C1orf159: variants seen among roughly 807,000 people sequenced by gnomAD.
The protein encoded by C1orf159 is chromosome 1 open reading frame 159, also known as uncharacterized protein C1orf159.
A neutral mutation model predicts 25.6 loss-of-function variants in C1orf159; 19 were observed. The ratio of observed to expected loss-of-function variants is 0.74; its 90% confidence interval spans 0.52 to 1.09. The LOEUF (loss-of-function observed/expected upper bound fraction) is 1.09, where lower values mean the gene tolerates loss of function less well. Ranked by LOEUF, C1orf159 falls within the 50% of genes least tolerant of loss-of-function variation. The pLI is 0.00. For synonymous variants in C1orf159, 139 were observed against 124.7 expected (o/e 1.12, Z -0.77); for missense variants, 274 against 290.6 (o/e 0.94, Z 0.42).
intron 1 of C1orf159, 166 bp from the exon 2 acceptor site, chr1:1,092,269 T>A: frequency 4.3e-6 from 1 of 231,384 alleles, no homozygotes; most frequent in Non-Finnish European, 8.9e-6. Flanking sequence ...CACGAGTGTT[T>A]CCCCCGAGCT....
Position 1,087,615 on chromosome 1 carries a change from C to T in C1orf159, c.149-18G>A, listed in dbSNP as rs1218057847. ...GTAACAGCCTGCGTGGGGCAGAGGA[C>T]GGGCATGTCAGCCAAAGCAAAATCC... On this transcript the variant is annotated intron_variant, in intron 4 of 9. Transcript: ENST00000421241. The surrounding 1 kb of genome is among the most constrained non-coding windows in gnomAD (Gnocchi z 8.3). The T allele has an allele frequency of 1.1e-5, 17 of 1,523,912 alleles. No homozygotes were observed. Among genetic ancestry groups the T allele is most frequent in the African/African-American group, 2.8e-5 (2 of 72,344 alleles). The allele number at this position is 1,523,912 out of a possible 1,614,324, so 94.4% of individuals were successfully genotyped here. A position where few individuals can be genotyped will look rare whatever the true frequency, so the allele number is the denominator to read the frequency against.
chr1:1,092,076 G>C lies in C1orf159; in HGVS notation c.-108C>G, dbSNP rs971896073. On this transcript the variant is annotated 5_prime_UTR_variant, in exon 2 of 10. Transcript: ENST00000421241. ...TTAGCTCTGGGAGCTCATGGGCTCA[G>C]CTGAGCCCTGCAGACCCCGGCCCAG... 8 of 450,250 alleles carry C rather than the reference G, an allele frequency of 1.8e-5. No individual in the cohort carries two copies. The highest frequency in any genetic ancestry group is 3.1e-5 in the Non-Finnish European group (7 of 224,112). 27.9% of individuals were successfully genotyped at this position (450,250 alleles called of 1,614,324 possible).
In C1orf159 at chr1:1,087,321, G is replaced by C; in HGVS notation, c.245-117C>G. Reference sequence around the variant, plus strand: ...GAAAGCGAGGGGCTGAGGGGGCGGAGCAGCCCTCACCACAGAGCTGTCCCG... The same window carrying C: ...GAAAGCGAGGGGCTGAGGGGGCGGACCAGCCCTCACCACAGAGCTGTCCCG... On this transcript the variant is annotated intron_variant, in intron 5 of 9. Coordinates refer to ENST00000421241, the MANE Select transcript of C1orf159 (RefSeq NM_017891.5). This position sits in a 1 kb window ranked among gnomAD's most constrained non-coding sequence, Gnocchi z 8.3. The C allele has an allele frequency of 8.2e-7, 1 of 1,224,614 alleles. No homozygotes were observed. The allele number at this position is 1,224,614 out of a possible 1,614,324, so 75.9% of individuals were successfully genotyped here. A position where few individuals can be genotyped will look rare whatever the true frequency, so the allele number is the denominator to read the frequency against.
chr1:1,087,424 A>G lies in C1orf159; in HGVS notation c.244+78T>C, dbSNP rs2100744008. 1 of 1,368,344 alleles carries G rather than the reference A, an allele frequency of 7.3e-7. No homozygotes were observed. The highest frequency in any genetic ancestry group is 2.5e-5 in the East Asian group (1 of 39,630). The allele number at this position is 1,368,344 out of a possible 1,614,324, so 84.8% of individuals were successfully genotyped here. ...ACAGTGGCTCTGGGGCAAGGTGGGG[A>G]CACAGACAGCAACTCCCACAGTGTC... On this transcript the variant is annotated intron_variant, in intron 5 of 9. Coordinates refer to ENST00000421241, the MANE Select transcript of C1orf159 (RefSeq NM_017891.5). This position sits in a 1 kb window ranked among gnomAD's most constrained non-coding sequence, Gnocchi z 8.3.
chr1:1,091,060 C>T, intron 3 of C1orf159: 1 of 1,237,178 alleles, frequency 8.1e-7, no homozygotes, highest in Non-Finnish European at 1.1e-6. Context: ...CAGGGAGGGG[C>T]CCAGGTCCGG....
intron 1 of C1orf159, among the ~76,000 whole-genome samples, chr1:1,111,884 T>G (rs1355378230): frequency 6.6e-6 from 1 of 152,252 alleles, no homozygotes; most frequent in Non-Finnish European, 1.5e-5. Context: ...AAGAACTGTC[T>G]GGGGCCTCTC....
chr1:1,087,142 G>A lies in C1orf159; in HGVS notation c.307C>T (p.Pro103Ser). 2 of 1,608,898 alleles carry A rather than the reference G, an allele frequency of 1.2e-6. No individual in the cohort carries two copies. The highest frequency in any genetic ancestry group is 1.7e-6 in the Non-Finnish European group (2 of 1,179,540). The change falls in exon 6 of 10, where the codon CCT becomes TCT. Residue 103 changes from proline (P) to serine (S), a missense_variant. Physicochemically the swap from Pro to Ser is moderately conservative, Grantham distance 74. Transcript: ENST00000421241. The surrounding 1 kb of genome is among the most constrained non-coding windows in gnomAD (Gnocchi z 8.3). The part of the protein sequence containing the change: ...RSSGTPGRPH[P>S]GAPRVAASLF... ...GCTGTGGCCTGCTGAGACTTACCAG[G>A]ATGTGGCCGCCCGGGGGTCCCTGAG... is the stretch of plus-strand genomic sequence containing the variant.
rs1395379147 is a variant in C1orf159 at position 1,091,483 on chromosome 1, T to C, written c.61A>G (p.Met21Val). 6.5e-7 allele frequency: 1 copy of C among 1,549,930 alleles called. No individual in the cohort carries two copies. The highest frequency in any genetic ancestry group is 1.4e-5 in the African/African-American group (1 of 72,976). The change falls in exon 3 of 10, where the codon ATG becomes GTG. Residue 21 changes from methionine (M) to valine (V), a missense_variant. Coordinates refer to ENST00000421241, the MANE Select transcript of C1orf159 (RefSeq NM_017891.5). The part of the protein sequence containing the change: ...GLLVGVASKS[M>V]ENTAQLPECC... ...AGGGGGGCACCTACCGTGTTCTCCATGGACTTGCTGGCGACTCCCACGAGA... is the reference window on the plus strand; with the variant it reads ...AGGGGGGCACCTACCGTGTTCTCCACGGACTTGCTGGCGACTCCCACGAGA...
At chr1:1,090,550 T>A (rs1398450416) in intron 3 of C1orf159, 122 bp from the exon 4 acceptor site, 24 of 1,063,684 alleles carry the variant, frequency 2.3e-5, no homozygotes, top group Non-Finnish European at 2.8e-6. Context: ...CGGCCTCTTC[T>A]GGAGTCAGCA....
intron 1 of C1orf159, among the ~76,000 whole-genome samples, chr1:1,097,138 AC>A (rs1646018911): frequency 6.6e-6 from 1 of 151,824 alleles, no homozygotes; most frequent in African/African-American, 2.4e-5. Context: ...ACCGAGTCTC[AC>A]TCTGTTGCCC....
intron 6 of C1orf159, among the ~76,000 whole-genome samples, chr1:1,086,668 A>G (rs532503819): frequency 1.3e-5 from 2 of 152,230 alleles, no homozygotes; most frequent in South Asian, 2.1e-4. Context: ...ACCCTAAAAC[A>G]CTGCCACTCA....
At chr1:1,109,490 A>C (rs1211726083) in intron 1 of C1orf159, among the ~76,000 whole-genome samples, 1 of 149,308 alleles carries the variant, frequency 6.7e-6, no homozygotes, top group African/African-American at 2.5e-5. Flanking sequence ...TCTTTTAGAG[A>C]TGGGTTTGCT....
At position 1,087,710 on chromosome 1, in the gene C1orf159, A is replaced by C; in HGVS notation, c.149-113T>G. 3 of 814,800 alleles carry C rather than the reference A, an allele frequency of 3.7e-6. 1 individual carries two copies. Among genetic ancestry groups the C allele is most frequent in the Middle Eastern group, 4.9e-4 (2 of 4,054 alleles). The allele number at this position is 814,800 out of a possible 1,614,324, so 50.5% of individuals were successfully genotyped here. ...GAGATAACTTTCATTCCAGATACTA[A>C]CATGCTCTGGAGGGTAGGTGGGCGG... On this transcript the variant is annotated intron_variant, in intron 4 of 9. Coordinates refer to ENST00000421241, the MANE Select transcript of C1orf159 (RefSeq NM_017891.5). This position sits in a 1 kb window ranked among gnomAD's most constrained non-coding sequence, Gnocchi z 8.3.
In C1orf159 at chr1:1,082,515, C is replaced by A. The variant is rs1645758112; in HGVS notation, c.*378G>T. 2 of 290,740 alleles carry A rather than the reference C, an allele frequency of 6.9e-6. No homozygotes were observed. Among genetic ancestry groups the A allele is most frequent in the South Asian group, 6.3e-5 (2 of 31,682 alleles). 18.0% of individuals were successfully genotyped at this position (290,740 alleles called of 1,614,324 possible). On this transcript the variant is annotated 3_prime_UTR_variant, in exon 10 of 10. Transcript: ENST00000421241. ...CCTGCCCGCTGTGGGCTCTGGAGGG[C>A]ACGGCAGCAGAGCCCCTGGCTTTTC...
chr1:1,111,181 G>A (rs1646251983), intron 1 of C1orf159, among the ~76,000 whole-genome samples: 1 of 152,180 alleles, frequency 6.6e-6, no homozygotes, highest in Non-Finnish European at 1.5e-5. Flanking sequence ...AAAATTTAGT[G>A]AGAATTTAAA....
In C1orf159 at chr1:1,087,761, T is replaced by C; in HGVS notation, c.149-164A>G. 1.6e-6 allele frequency: 1 copy of C among 621,072 alleles called. No homozygotes were observed. The highest frequency in any genetic ancestry group is 2.8e-6 in the Non-Finnish European group (1 of 353,066). The allele number at this position is 621,072 out of a possible 1,614,324, so 38.5% of individuals were successfully genotyped here. On this transcript the variant is annotated intron_variant, in intron 4 of 9. Transcript: ENST00000421241. The surrounding 1 kb of genome is among the most constrained non-coding windows in gnomAD (Gnocchi z 8.3). ...CAGACAAGGACACCCCCAGGGAGCA[T>C]GGCGGGGCCGTGAGCACCCCACGCT...
In C1orf159 at chr1:1,092,010, A is replaced by G. The variant is rs866187843; in HGVS notation, c.-42T>C. 4.4e-6 allele frequency: 2 copies of G among 457,122 alleles called. No individual in the cohort carries two copies. The highest frequency in any genetic ancestry group is 6.5e-4 in the Middle Eastern group (2 of 3,074). The allele number at this position is 457,122 out of a possible 1,614,324, so 28.3% of individuals were successfully genotyped here. On this transcript the variant is annotated 5_prime_UTR_variant, in exon 2 of 10. Coordinates refer to ENST00000421241, the MANE Select transcript of C1orf159 (RefSeq NM_017891.5). ...CCTTACCTGCCCCTCCAGGATGGGG[A>G]CTACCGACATCAGCCCTTTGCCCGC...
chr1:1,112,689 C>G (rs1238079112), intron 1 of C1orf159, among the ~76,000 whole-genome samples: 2 of 152,252 alleles, frequency 1.3e-5, no homozygotes, highest in African/African-American at 2.4e-5. Context: ...CAAGTACTAG[C>G]AAGATGCTGC....
chr1:1,095,206 T>A (rs1215297568), intron 1 of C1orf159, among the ~76,000 whole-genome samples: 3 of 152,228 alleles, frequency 2.0e-5, no homozygotes, highest in Non-Finnish European at 2.9e-5. Flanking sequence ...CCAGGTCACA[T>A]GTGTTTCCAT....
Sources: gnomAD v4.1 joint callset for allele counts (sites outside exome capture counted in the v4.1 genomes callset) on GRCh38, gnomAD v4.1.1 for gene constraint, Gnocchi (gnomAD v3.1) non-coding constraint, MANE v1.5 for transcripts, NCBI Gene and HGNC (gene_info 2026-07-23, HGNC 2026-07-21) for gene names.